KCNMB2: variants seen among roughly 807,000 people sequenced by gnomAD.
KCNMB2 encodes potassium calcium-activated channel subfamily M regulatory beta subunit 2, also known as calcium-activated potassium channel subunit beta-2.
A neutral mutation model predicts 24.5 loss-of-function variants in KCNMB2; 9 were observed. The observed-to-expected ratio is 0.37, with a 90% CI of 0.22 to 0.64. The LOEUF (loss-of-function observed/expected upper bound fraction) is 0.64, where lower values mean the gene tolerates loss of function less well. Among genes scored for constraint, KCNMB2 ranks in the 30% least tolerant of loss-of-function variants. KCNMB2 has a pLI of 0.63. For missense variants in KCNMB2, 226 were observed against 284.3 expected, an observed-to-expected ratio of 0.79 and a Z score of 1.47; for synonymous variants, 109 against 104.4, an observed-to-expected ratio of 1.04 and a Z score of -0.27.
intron 1 of KCNMB2, among the ~76,000 whole-genome samples, chr3:178,622,810 C>T (rs913691661): frequency 6.6e-6 from 1 of 152,178 alleles, no homozygotes; most frequent in Non-Finnish European, 1.5e-5. Flanking sequence ...CCAAGTCTGA[C>T]ACAAACGTAG....
chr3:178,671,714 G>C (rs186066395), intron 1 of KCNMB2, among the ~76,000 whole-genome samples: 1 of 152,132 alleles, frequency 6.6e-6, no homozygotes, highest in African/African-American at 2.4e-5. Context: ...GTCTGTCCTT[G>C]CTTCCCTGAA....
At chr3:178,560,656 TC>T (rs1387046279) in intron 1 of KCNMB2, among the ~76,000 whole-genome samples, 2 of 152,252 alleles carry the variant, frequency 1.3e-5, no homozygotes, top group Non-Finnish European at 2.9e-5. Flanking sequence ...TCTACACTGT[TC>T]TTTGATAGAG....
chr3:178,602,715 G>C (rs1560126562), intron 1 of KCNMB2, among the ~76,000 whole-genome samples: 1 of 152,106 alleles, frequency 6.6e-6, no homozygotes, highest in Non-Finnish European at 1.5e-5. Context: ...CTGTAGCTTA[G>C]TAGGACAAGT....
At chr3:178,819,446 T>C (rs748835628) in intron 2 of KCNMB2, among the ~76,000 whole-genome samples, 25 of 152,070 alleles carry the variant, frequency 1.6e-4, no homozygotes, top group Non-Finnish European at 3.7e-4. Context: ...CGCCCCTCTG[T>C]CTTTCCATCT....
At chr3:178,546,229 A>C (rs925570679) in intron 1 of KCNMB2, among the ~76,000 whole-genome samples, 2 of 152,208 alleles carry the variant, frequency 1.3e-5, no homozygotes, top group African/African-American at 4.8e-5. Context: ...TGTCTATAAC[A>C]ATCTGCTTCT....
chr3:178,806,934 G>A (rs925256048), intron 1 of KCNMB2, among the ~76,000 whole-genome samples: 6 of 152,148 alleles, frequency 3.9e-5, no homozygotes, highest in Non-Finnish European at 8.8e-5. Flanking sequence ...GAAAAAAACA[G>A]ATTGAAGAGG....
chr3:178,823,877 A>G (rs1285772002), intron 2 of KCNMB2, among the ~76,000 whole-genome samples: 1 of 151,948 alleles, frequency 6.6e-6, no homozygotes, highest in Admixed American at 6.6e-5. Context: ...AAAAATCTGA[A>G]GTTATTCTTG....
chr3:178,729,461 C>T (rs1344961166), intron 1 of KCNMB2: 2 of 152,166 alleles, frequency 1.3e-5, no homozygotes, highest in African/African-American at 2.4e-5. Flanking sequence ...TTTTTTTTAA[C>T]TCCAGCACAA....
At chr3:178,712,885 G>A (rs1722500084) in intron 1 of KCNMB2, among the ~76,000 whole-genome samples, 1 of 152,094 alleles carries the variant, frequency 6.6e-6, no homozygotes, top group South Asian at 2.1e-4. Flanking sequence ...GGGAATACTA[G>A]GTATTACACA....
intron 2 of KCNMB2, among the ~76,000 whole-genome samples, chr3:178,815,564 T>C (rs1037233969): frequency 6.6e-6 from 1 of 152,152 alleles, no homozygotes; most frequent in Non-Finnish European, 1.5e-5. Flanking sequence ...AATCAGTAAA[T>C]CATGAATAAA....
chr3:178,835,568 T>C (rs898177780), intron 4 of KCNMB2, among the ~76,000 whole-genome samples: 1 of 152,216 alleles, frequency 6.6e-6, no homozygotes, highest in Non-Finnish European at 1.5e-5. Context: ...TTCTCAAGCA[T>C]AGAATGCAAA....
At chr3:178,612,941 T>G (rs1394677389) in intron 1 of KCNMB2, among the ~76,000 whole-genome samples, 3 of 152,196 alleles carry the variant, frequency 2.0e-5, no homozygotes, top group African/African-American at 4.8e-5. Context: ...CCATGAGGCT[T>G]GCAAATATTA....
intron 2 of KCNMB2, among the ~76,000 whole-genome samples, chr3:178,824,949 G>A (rs1372641624): frequency 6.6e-6 from 1 of 152,132 alleles, no homozygotes; most frequent in African/African-American, 2.4e-5. Flanking sequence ...GCCTGGGCTC[G>A]ATTTGAATGA....
At chr3:178,566,569 C>T (rs1716528181) in intron 1 of KCNMB2, among the ~76,000 whole-genome samples, 1 of 141,350 alleles carries the variant, frequency 7.1e-6, no homozygotes, top group Non-Finnish European at 1.5e-5. Flanking sequence ...CTAGCCATTA[C>T]ATCCTGTCTC....
At chr3:178,640,844 A>G (rs1719698088) in intron 1 of KCNMB2, among the ~76,000 whole-genome samples, 1 of 152,002 alleles carries the variant, frequency 6.6e-6, no homozygotes, top group African/African-American at 2.4e-5. Flanking sequence ...TCAATGATCC[A>G]TTTTCAGTTA....
intron 1 of KCNMB2, among the ~76,000 whole-genome samples, chr3:178,581,929 C>T (rs1433108899): frequency 6.6e-6 from 1 of 152,198 alleles, no homozygotes; most frequent in African/African-American, 2.4e-5. Flanking sequence ...TATATTAGTT[C>T]AACCATTGTG....
intron 2 of KCNMB2, among the ~76,000 whole-genome samples, chr3:178,818,516 C>A (rs1045944747): frequency 6.6e-6 from 1 of 152,184 alleles, no homozygotes; most frequent in African/African-American, 2.4e-5. Flanking sequence ...TAAGTGAGAA[C>A]ATGCGGTGTT....
chr3:178,631,139 A>G (rs1306734019), intron 1 of KCNMB2, among the ~76,000 whole-genome samples: 1 of 152,230 alleles, frequency 6.6e-6, no homozygotes, highest in Non-Finnish European at 1.5e-5. Context: ...TAAGAAAGGC[A>G]GAGACCCTTC....
At chr3:178,617,961 G>A (rs555074078) in intron 1 of KCNMB2, among the ~76,000 whole-genome samples, 2 of 151,178 alleles carry the variant, frequency 1.3e-5, no homozygotes, top group East Asian at 3.9e-4. Context: ...CACATTTCTG[G>A]CATATTTCAT....
Sources: gnomAD v4.1 joint callset for allele counts (sites outside exome capture counted in the v4.1 genomes callset) on GRCh38, gnomAD v4.1.1 for gene constraint, MANE v1.5 for transcripts, NCBI Gene and HGNC (gene_info 2026-07-23, HGNC 2026-07-21) for gene names.